The following ARHGAP24 variants were observed in gnomAD, a reference collection of about 807,000 sequenced individuals.
ARHGAP24 encodes rho GTPase-activating protein 24.
In ARHGAP24, 50 loss-of-function variants were observed where a neutral mutation model predicts 76.4. The ratio of observed to expected loss-of-function variants is 0.65; its 90% confidence interval spans 0.52 to 0.83. The LOEUF is 0.83. Ranked by LOEUF, ARHGAP24 falls within the 40% of genes least tolerant of loss-of-function variation. ARHGAP24 has a pLI of 0.00. For missense variants in ARHGAP24, 930 were observed against 914.2 expected (o/e 1.02, Z -0.22); for synonymous variants, 345 against 323.3 (o/e 1.07, Z -0.72).
intron 5 of ARHGAP24, among the ~76,000 whole-genome samples, chr4:85,949,176 G>A (rs1334368987): frequency 6.6e-6 from 1 of 151,984 alleles, no homozygotes; most frequent in African/African-American, 2.4e-5. Context: ...TCCCCTGTTC[G>A]TCAAGCTCTT....
chr4:85,563,319 C>T (rs1871825), intron 1 of ARHGAP24, among the ~76,000 whole-genome samples: 1 of 151,972 alleles, frequency 6.6e-6, no homozygotes, highest in African/African-American at 2.4e-5. Context: ...AAGTTCATTT[C>T]TGACAGTTCT....
intron 3 of ARHGAP24, among the ~76,000 whole-genome samples, chr4:85,753,765 A>G (rs1043157321): frequency 2.6e-5 from 4 of 152,120 alleles, no homozygotes; most frequent in Non-Finnish European, 5.9e-5. Context: ...CTTTCATTGA[A>G]TTTTTTAATT....
At chr4:85,654,866 C>T (rs1722083564) in intron 2 of ARHGAP24, among the ~76,000 whole-genome samples, 1 of 152,078 alleles carries the variant, frequency 6.6e-6, no homozygotes, top group African/African-American at 2.4e-5. Context: ...TTGTATGCTT[C>T]TTAGAAATAG....
At position 85,953,510 on chromosome 4, in the gene ARHGAP24, A is replaced by C. The variant is rs577754474; in HGVS notation, c.599+11237A>C. Among the ~76,000 whole-genome samples the C allele has an allele frequency of 1.7e-4, 26 of 152,334 alleles. No homozygotes were observed. The South Asian group carries it at 5.4e-3, about 32-fold the overall frequency. The stretch of plus-strand genomic sequence containing the variant: ...ACTACAGACATAGGAGAGATTTTTC[A>C]GTATCAGTATGTGTAAGAATGACTT... On this transcript the variant is annotated intron_variant, in intron 5 of 9. Transcript: ENST00000395184.
chr4:85,708,686 C>T (rs1724408260), intron 2 of ARHGAP24, among the ~76,000 whole-genome samples: 1 of 152,136 alleles, frequency 6.6e-6, no homozygotes, highest in Non-Finnish European at 1.5e-5. Context: ...AGTCAGAGGG[C>T]GCACTCTGTT....
At chr4:85,813,926 G>T (rs888412272) in intron 3 of ARHGAP24, among the ~76,000 whole-genome samples, 2 of 150,862 alleles carry the variant, frequency 1.3e-5, no homozygotes, top group African/African-American at 2.4e-5. Context: ...AAACAAAAAG[G>T]TTTATTGGAC....
At position 85,972,076 on chromosome 4, in the gene ARHGAP24, T is replaced by C; in HGVS notation, c.640T>C (p.Tyr214His). 6.2e-7 allele frequency: 1 copy of C among 1,614,062 alleles called. No individual in the cohort carries two copies. The highest frequency in any genetic ancestry group is 8.5e-7 in the Non-Finnish European group (1 of 1,179,984). Residue 214 changes from tyrosine to histidine, a missense_variant, in exon 6 of 10, where the codon TAC becomes CAC. Coordinates refer to ENST00000395184, the MANE Select transcript of ARHGAP24 (RefSeq NM_001025616.3). ...CACGGTGGCATCACTTCTTAAGCTG[T>C]ACCTCCGAGAACTTCCAGAACCAGT... Reference protein sequence around the residue: ...VHTVASLLKLYLRELPEPVIP... With the variant: ...VHTVASLLKLHLRELPEPVIP...
At chr4:85,818,952 C>T (rs1560649940) in intron 3 of ARHGAP24, among the ~76,000 whole-genome samples, 2 of 152,094 alleles carry the variant, frequency 1.3e-5, no homozygotes, top group Non-Finnish European at 2.9e-5. Flanking sequence ...CAACAGATTG[C>T]CGTTATATTG....
chr4:85,923,470 G>T (rs540224783), intron 3 of ARHGAP24, among the ~76,000 whole-genome samples, 178 bp from the exon 4 acceptor site: 1 of 152,280 alleles, frequency 6.6e-6, no homozygotes, highest in African/African-American at 2.4e-5. Flanking sequence ...AAGCATAACA[G>T]TCTCTCCTTT....
At chr4:85,815,943 A>T (rs1332118187) in intron 3 of ARHGAP24, among the ~76,000 whole-genome samples, 1 of 152,172 alleles carries the variant, frequency 6.6e-6, no homozygotes, top group Non-Finnish European at 1.5e-5. Context: ...GGCATGTCTC[A>T]CATAGCGGCA....
intron 1 of ARHGAP24, among the ~76,000 whole-genome samples, chr4:85,556,501 C>T (rs1484134446): frequency 5.9e-5 from 9 of 152,138 alleles, no homozygotes; most frequent in Non-Finnish European, 1.3e-4. Context: ...GTTCCTTCCC[C>T]AGCCCGAGGA....
rs568974731 is a variant in ARHGAP24 at position 85,853,025 on chromosome 4, A to G, written c.269-70623A>G. On this transcript the variant is annotated intron_variant, in intron 3 of 9. Coordinates refer to ENST00000395184, the MANE Select transcript of ARHGAP24 (RefSeq NM_001025616.3). ...TCTTCAGAGCAGTGCAGACAAGGAC[A>G]TTTAAGTCTGCAGAAGTTTCTGCTG... Among the ~76,000 whole-genome samples the G allele has an allele frequency of 2.0e-5, 3 of 152,346 alleles. No individual in the cohort carries two copies. In the South Asian group the frequency reaches 6.2e-4, roughly 32 times the overall value.
intron 4 of ARHGAP24, among the ~76,000 whole-genome samples, chr4:85,926,055 A>C (rs535841165): frequency 1.1e-3 from 162 of 152,132 alleles, no homozygotes; most frequent in African/African-American, 3.7e-3. Context: ...TGAAAAAAAA[A>C]AAGAATGCCA....
chr4:85,568,952 C>T (rs1264980518), intron 1 of ARHGAP24, among the ~76,000 whole-genome samples: 5 of 152,084 alleles, frequency 3.3e-5, no homozygotes, highest in South Asian at 2.1e-4. Flanking sequence ...GTAATTAGAA[C>T]GAAAGTTCTG....
intron 1 of ARHGAP24, among the ~76,000 whole-genome samples, chr4:85,510,617 TC>T (rs1482774264): frequency 2.7e-5 from 3 of 111,372 alleles, no homozygotes; most frequent in Non-Finnish European, 5.4e-5. Flanking sequence ...CGTCTTCCCC[TC>T]CCTCCCCTGT....
chr4:85,617,625 A>G (rs1720583321), intron 2 of ARHGAP24, among the ~76,000 whole-genome samples: 1 of 152,182 alleles, frequency 6.6e-6, no homozygotes, highest in Admixed American at 6.5e-5. Context: ...CTATTTGATT[A>G]GTCCCTATTG....
chr4:85,805,646 G>T (rs571558236), intron 3 of ARHGAP24, among the ~76,000 whole-genome samples: 173 of 152,268 alleles, frequency 1.1e-3, no homozygotes, highest in African/African-American at 4.0e-3. Flanking sequence ...AGGCTTTATG[G>T]CTTGAAATAC....
chr4:85,548,798 A>C (rs1726013492), intron 1 of ARHGAP24, among the ~76,000 whole-genome samples: 1 of 152,130 alleles, frequency 6.6e-6, no homozygotes. Context: ...TCACCTTAGA[A>C]AGGTCCCTTG....
chr4:85,750,207 A>G (rs1165593992), intron 3 of ARHGAP24, among the ~76,000 whole-genome samples: 1 of 152,156 alleles, frequency 6.6e-6, no homozygotes, highest in Non-Finnish European at 1.5e-5. Context: ...GATAAGTGCT[A>G]TGTTTTTCTT....
Sources: gnomAD v4.1 joint callset for allele counts (sites outside exome capture counted in the v4.1 genomes callset) on GRCh38, gnomAD v4.1.1 for gene constraint, MANE v1.5 for transcripts, NCBI Gene and HGNC (gene_info 2026-07-23, HGNC 2026-07-21) for gene names.